DHX9: variants seen among roughly 807,000 people sequenced by gnomAD.
DHX9 encodes the protein ATP-dependent RNA helicase A.
Under a neutral mutation model 148.7 loss-of-function variants are expected in DHX9, and 27 were observed. The ratio of observed to expected loss-of-function variants is 0.18; its 90% CI spans 0.13 to 0.25. DHX9 has a LOEUF of 0.25. DHX9 is among the 10% of genes least tolerant of loss of function. The pLI, the probability that DHX9 is intolerant of heterozygous loss-of-function variation, is 1.00. For missense variants in DHX9, 796 were observed against 1,559.6 expected, an observed-to-expected ratio of 0.51 and a Z score of 8.25; for synonymous variants, 529 against 516.6, an observed-to-expected ratio of 1.02 and a Z score of -0.33.
intron 14 of DHX9, among the ~76,000 whole-genome samples, chr1:182,871,073 A>G (rs1189043572): frequency 6.6e-6 from 1 of 152,212 alleles, no homozygotes; most frequent in Non-Finnish European, 1.5e-5. Context: ...ATATTATTCT[A>G]TATTAAAATT....
intron 21 of DHX9, among the ~76,000 whole-genome samples, chr1:182,879,845 C>T (rs1039495512): frequency 6.6e-6 from 1 of 151,888 alleles, no homozygotes; most frequent in South Asian, 2.1e-4. Flanking sequence ...TCTGCCTCAG[C>T]CTCCCGAGTA....
Position 182,870,402 on chromosome 1 carries a change from C to G in DHX9, c.1558-1935C>G, listed in dbSNP as rs151073998. Among the ~76,000 whole-genome samples the G allele has an allele frequency of 1.4e-4, 22 of 152,244 alleles. No individual in the cohort carries two copies. The East Asian group carries it at 4.2e-3, about 29-fold the overall frequency. ...ATAGAGAATCTTGGTTTACAGATAA[C>G]AAGACTTGCTTTGAAGCTAAAATAA... On this transcript the variant is annotated intron_variant, in intron 14 of 27. Coordinates refer to ENST00000367549, the MANE Select transcript of DHX9 (RefSeq NM_001357.5).
At position 182,862,646 on chromosome 1, in the gene DHX9, T is replaced by C. The variant is rs549474166; in HGVS notation, c.1332+2462T>C. Among the ~76,000 whole-genome samples the C allele has an allele frequency of 3.3e-5, 5 of 152,280 alleles. No homozygotes were observed. The East Asian group carries it at 7.7e-4, about 23-fold the overall frequency. ...CTAGTGCATTAGGAATCTTGACATT[T>C]TGTGGCAGCTTAGTCATGTTACTGT... On this transcript the variant is annotated intron_variant, in intron 12 of 27. Coordinates refer to ENST00000367549, the MANE Select transcript of DHX9 (RefSeq NM_001357.5).
At chr1:182,854,348 T>G (rs760243956) in intron 6 of DHX9, among the ~76,000 whole-genome samples, 170 bp downstream of exon 6, 17 of 152,238 alleles carry the variant, frequency 1.1e-4, no homozygotes, top group Admixed American at 2.0e-4. Context: ...TTGTGCAGTT[T>G]CCATGGTTTT....
At position 182,887,733 on chromosome 1, in the gene DHX9, T is replaced by C. The variant is rs1649401217; in HGVS notation, c.*299T>C. 1 of 310,450 alleles carries C rather than the reference T, an allele frequency of 3.2e-6. No homozygotes were observed. The highest frequency in any genetic ancestry group is 6.1e-6 in the Non-Finnish European group (1 of 165,232). 19.2% of individuals were successfully genotyped at this position (310,450 alleles called of 1,614,324 possible). On this transcript the variant is annotated 3_prime_UTR_variant, in exon 28 of 28. Coordinates refer to ENST00000367549, the MANE Select transcript of DHX9 (RefSeq NM_001357.5). ...GGCTTTCGTTTAATACAATAGAAAA[T>C]AAAGTATTACACCGAATACTTGCCG... is the stretch of plus-strand genomic sequence containing the variant.
At position 182,860,226 on chromosome 1, in the gene DHX9, A is replaced by G. The variant is rs1325268132; in HGVS notation, c.1332+42A>G. ...CCATGAAATACCTAGAGAGCAGACT[A>G]TTTCTGATTCTTTCTTTGATTAACT... On this transcript the variant is annotated intron_variant, in intron 12 of 27. Coordinates refer to ENST00000367549, the MANE Select transcript of DHX9 (RefSeq NM_001357.5). The G allele has an allele frequency of 5.6e-6, 8 of 1,417,836 alleles. No individual in the cohort carries two copies. The African/African-American group carries it at 7.3e-5, about 13-fold the overall frequency. 87.8% of individuals were successfully genotyped at this position (1,417,836 alleles called of 1,614,324 possible). A position where few individuals can be genotyped will look rare whatever the true frequency, so the allele number is the denominator to read the frequency against.
At chr1:182,853,966 T>A (rs1475271304) in intron 5 of DHX9, 64 bp from the exon 6 acceptor site, 1 of 1,495,174 alleles carries the variant, frequency 6.7e-7, no homozygotes, top group Non-Finnish European at 9.2e-7. Flanking sequence ...TATTAAAAAT[T>A]TCTGTGCCTT....
At chr1:182,844,260 C>T (rs1667985320) in intron 3 of DHX9, among the ~76,000 whole-genome samples, 1 of 152,286 alleles carries the variant, frequency 6.6e-6, no homozygotes, top group Non-Finnish European at 1.5e-5. Flanking sequence ...CTGACATGTC[C>T]TTATATAACA....
intron 24 of DHX9, among the ~76,000 whole-genome samples, chr1:182,882,158 G>C (rs1571322536): frequency 1.3e-5 from 2 of 152,138 alleles, no homozygotes; most frequent in African/African-American, 4.8e-5. Context: ...GTAGTGAGTG[G>C]TTCTCTTCTG....
chr1:182,868,520 CTT>C (rs59218081), intron 14 of DHX9, among the ~76,000 whole-genome samples: 13 of 127,480 alleles, frequency 1.0e-4, no homozygotes, highest in African/African-American at 1.4e-4. Context: ...ATTTTAATTC[CTT>C]TTTTTTTTTT....
At chr1:182,876,789 A>G in intron 18 of DHX9, 41 bp from the exon 19 acceptor site, 4 of 1,463,824 alleles carry the variant, frequency 2.7e-6, no homozygotes, top group Non-Finnish European at 3.8e-6. Flanking sequence ...TAAGTAACTA[A>G]TAAGAATATT....
intron 14 of DHX9, among the ~76,000 whole-genome samples, chr1:182,870,148 G>T (rs1238495784): frequency 6.6e-6 from 1 of 152,156 alleles, no homozygotes; most frequent in African/African-American, 2.4e-5. Flanking sequence ...AAACATGCAA[G>T]ATCTCTCCAA....
chr1:182,874,633 A>T (rs1174250332), intron 15 of DHX9, among the ~76,000 whole-genome samples: 2 of 152,214 alleles, frequency 1.3e-5, no homozygotes, highest in Non-Finnish European at 2.9e-5. Context: ...CTCTGGGAAC[A>T]TGTATAAAAG....
chr1:182,842,509 A>T, intron 1 of DHX9, 36 bp from the exon 2 acceptor site: 2 of 1,304,384 alleles, frequency 1.5e-6, no homozygotes, highest in African/African-American at 1.5e-5. Context: ...TTTTGCTATT[A>T]TAAATGCTGT....
chr1:182,879,795 A>G (rs1310835703), intron 21 of DHX9, among the ~76,000 whole-genome samples: 2 of 151,958 alleles, frequency 1.3e-5, no homozygotes, highest in African/African-American at 4.8e-5. Context: ...GCGTGATCTC[A>G]GCTCACTGCA....
chr1:182,881,361 G>A lies in DHX9; in HGVS notation c.2722G>A (p.Ala908Thr), dbSNP rs1649078828. Reference sequence around the variant, plus strand: ...GCTGGGCTATATCCATCGAAATTTTGCTGGAAACAGATTTTCTGATCACGT... The same window carrying A: ...GCTGGGCTATATCCATCGAAATTTTACTGGAAACAGATTTTCTGATCACGT... ...KRLGYIHRNF[A>T]GNRFSDHVAL... The change falls in exon 23 of 28, where the codon GCT becomes ACT. Residue 908 changes from alanine to threonine, a missense_variant. By Grantham distance (58) the Ala-to-Thr change is moderately conservative. This residue lies in a region of DHX9 where 122 missense variants were observed against 289.3 expected (regional missense o/e 0.42). Transcript: ENST00000367549. 1 of 1,614,048 alleles carries A rather than the reference G, an allele frequency of 6.2e-7. No homozygotes were observed. The highest frequency in any genetic ancestry group is 1.3e-5 in the African/African-American group (1 of 74,922).
At chr1:182,880,391 C>G (rs1197557827) in intron 21 of DHX9, 106 bp from the exon 22 acceptor site, 2 of 652,930 alleles carry the variant, frequency 3.1e-6, no homozygotes, top group East Asian at 5.8e-5. Context: ...ATTGGCTTGA[C>G]AAAAGAGGAA....
chr1:182,847,218 T>G (rs150062811), intron 3 of DHX9, among the ~76,000 whole-genome samples: 1,651 of 152,332 alleles, frequency 0.011, 23 homozygotes, highest in African/African-American at 0.032. Context: ...CAGGGTTGGA[T>G]TCTCTTGATA....
intron 26 of DHX9, 29 bp downstream of exon 26, chr1:182,883,664 CT>C: frequency 6.7e-7 from 1 of 1,496,132 alleles, no homozygotes; most frequent in East Asian, 2.3e-5. Context: ...GAACTCCAAA[CT>C]GAATTCTTAG....
Sources: allele counts gnomAD v4.1 joint callset (sites outside exome capture counted in the v4.1 genomes callset), GRCh38; gene constraint gnomAD v4.1.1; regional missense constraint gnomAD v4.1.1; transcripts MANE v1.5; gene names NCBI Gene and HGNC (gene_info 2026-07-23, HGNC 2026-07-21).